DPP10: variants seen among roughly 807,000 people sequenced by gnomAD.
DPP10 encodes dipeptidyl peptidase like 10.
DPP10 carries 33 observed loss-of-function variants against 120.9 expected under a neutral mutation model. The ratio of observed to expected loss-of-function variants is 0.27; its 90% confidence interval spans 0.21 to 0.37. The LOEUF (loss-of-function observed/expected upper bound fraction) is 0.37. DPP10 is among the 10% of genes least tolerant of loss of function. The probability of loss-of-function intolerance (pLI) is 1.00; values close to 1 mark genes in which losing one functional copy is unlikely to be tolerated. For missense variants in DPP10, 816 were observed against 942.8 expected (o/e 0.87, Z 1.76); for synonymous variants, 337 against 326.1 (o/e 1.03, Z -0.36).
intron 1 of DPP10, among the ~76,000 whole-genome samples, chr2:115,110,323 T>G (rs1372684181): frequency 6.6e-6 from 1 of 152,176 alleles, no homozygotes; most frequent in Non-Finnish European, 1.5e-5. Context: ...AGTCTCCGTG[T>G]TTTAGTTTTC....
chr2:115,025,839 A>T (rs774210515), intron 1 of DPP10, among the ~76,000 whole-genome samples: 1 of 151,662 alleles, frequency 6.6e-6, no homozygotes, highest in Non-Finnish European at 1.5e-5. Context: ...CCCATTTTTA[A>T]TAAGATATTT....
chr2:114,819,080 C>T (rs976188547), intron 1 of DPP10, among the ~76,000 whole-genome samples: 4 of 151,978 alleles, frequency 2.6e-5, no homozygotes, highest in Non-Finnish European at 4.4e-5. Context: ...CTGGGCATTT[C>T]GTTAGGCGAT....
chr2:115,260,858 C>A (rs956210022), intron 1 of DPP10, among the ~76,000 whole-genome samples: 1 of 152,122 alleles, frequency 6.6e-6, no homozygotes, highest in South Asian at 2.1e-4. Flanking sequence ...TTCATAAGTT[C>A]ATTCAATTTG....
At chr2:115,521,770 C>T (rs2077826076) in intron 4 of DPP10, among the ~76,000 whole-genome samples, 1 of 152,106 alleles carries the variant, frequency 6.6e-6, no homozygotes, top group African/African-American at 2.4e-5. Context: ...TAGTTTTTCA[C>T]CCAGTTGCCA....
chr2:115,321,967 T>C (rs1197759993), intron 2 of DPP10, among the ~76,000 whole-genome samples: 1 of 152,166 alleles, frequency 6.6e-6, no homozygotes, highest in African/African-American at 2.4e-5. Flanking sequence ...TATTCATGAT[T>C]TCCTTCAGCT....
intron 2 of DPP10, among the ~76,000 whole-genome samples, chr2:115,326,096 C>A (rs2062349267): frequency 6.6e-6 from 1 of 152,128 alleles, no homozygotes; most frequent in Admixed American, 6.6e-5. Flanking sequence ...ACGTCTACTT[C>A]TGTAATATGA....
At chr2:114,874,036 A>C (rs918346276) in intron 1 of DPP10, among the ~76,000 whole-genome samples, 4 of 152,196 alleles carry the variant, frequency 2.6e-5, no homozygotes, top group Non-Finnish European at 4.4e-5. Context: ...TCAAAGACAA[A>C]CTGGAATTAT....
intron 1 of DPP10, among the ~76,000 whole-genome samples, chr2:114,726,534 T>C (rs1416158837): frequency 6.6e-6 from 1 of 152,252 alleles, no homozygotes; most frequent in Non-Finnish European, 1.5e-5. Flanking sequence ...AATCAGTAGT[T>C]GAATTTAATC....
rs554819188 is a variant in DPP10, at chr2:114,839,550, G to A, written c.60+396712G>A. On this transcript the variant is annotated intron_variant, in intron 1 of 25. Coordinates refer to ENST00000410059, the MANE Select transcript of DPP10 (RefSeq NM_020868.6). ...AAACTCTGCCAACTTAGTGATTTTC[G>A]TTAAGTAACCAAACATTTCTACTTT... Among the ~76,000 whole-genome samples, 35 of 152,204 alleles carry A rather than the reference G, an allele frequency of 2.3e-4. 1 individual carries two copies. Among genetic ancestry groups the A allele is most frequent in the South Asian group, 1.7e-3 (8 of 4,826 alleles).
intron 1 of DPP10, among the ~76,000 whole-genome samples, chr2:115,225,575 T>C (rs886868352): frequency 2.0e-5 from 3 of 151,938 alleles, no homozygotes; most frequent in Admixed American, 1.3e-4. Context: ...GAGCTGGGGA[T>C]AGATTTGCCA....
At chr2:115,815,049 T>G in intron 20 of DPP10, 62 bp downstream of exon 20, 1 of 1,454,176 alleles carries the variant, frequency 6.9e-7, no homozygotes, top group Non-Finnish European at 9.3e-7. Context: ...GTATATGACA[T>G]ATAATATTAC....
At chr2:114,703,039 G>A (rs1294931775) in intron 1 of DPP10, among the ~76,000 whole-genome samples, 4 of 152,124 alleles carry the variant, frequency 2.6e-5, no homozygotes, top group Non-Finnish European at 5.9e-5. Flanking sequence ...TTGGCAGAGA[G>A]ATGATCTTCT....
At chr2:114,531,545 T>C (rs1685984983) in intron 1 of DPP10, among the ~76,000 whole-genome samples, 1 of 115,904 alleles carries the variant, frequency 8.6e-6, no homozygotes, top group Non-Finnish European at 1.7e-5. Context: ...ACAGATAAAA[T>C]GAATACATAT....
chr2:114,935,989 A>G (rs1410122788), intron 1 of DPP10, among the ~76,000 whole-genome samples: 2 of 150,562 alleles, frequency 1.3e-5, no homozygotes, highest in Non-Finnish European at 3.0e-5. Flanking sequence ...TATTTGTTTT[A>G]ATTTATTTTT....
At chr2:115,293,811 C>G (rs2105938477) in intron 1 of DPP10, among the ~76,000 whole-genome samples, 1 of 151,954 alleles carries the variant, frequency 6.6e-6, no homozygotes. Flanking sequence ...ATGCTTGATC[C>G]CTGCAGCCTG....
At chr2:115,476,500 A>G (rs897738240) in intron 3 of DPP10, among the ~76,000 whole-genome samples, 9 of 152,210 alleles carry the variant, frequency 5.9e-5, no homozygotes, top group Non-Finnish European at 1.2e-4. Flanking sequence ...ACAAGCAAAT[A>G]CAGAGAGCCA....
chr2:115,085,908 G>T (rs1027825981), intron 1 of DPP10, among the ~76,000 whole-genome samples: 1 of 152,142 alleles, frequency 6.6e-6, no homozygotes, highest in Non-Finnish European at 1.5e-5. Context: ...CCTACCTAAG[G>T]GGTGTCGGGA....
intron 1 of DPP10, among the ~76,000 whole-genome samples, chr2:115,023,694 G>A (rs1331775773): frequency 6.6e-6 from 1 of 152,006 alleles, no homozygotes; most frequent in East Asian, 1.9e-4. Context: ...ACTTGCACAT[G>A]TTTATAGCAG....
intron 1 of DPP10, chr2:114,461,835 AT>A: frequency 1.0e-6 from 1 of 985,442 alleles, no homozygotes; most frequent in Non-Finnish European, 1.2e-6. Flanking sequence ...GATAGAAGAT[AT>A]CTTCAACCTT....
Sources: allele counts gnomAD v4.1 joint callset (sites outside exome capture counted in the v4.1 genomes callset), GRCh38; gene constraint gnomAD v4.1.1; transcripts MANE v1.5; gene names NCBI Gene and HGNC (gene_info 2026-07-23, HGNC 2026-07-21).